The following UACA variants were observed in gnomAD, a reference collection of about 807,000 sequenced individuals.
The protein encoded by UACA is nuclear membrane binding protein.
Under a neutral mutation model 160.5 loss-of-function variants are expected in UACA, and 112 were observed. That is an observed-to-expected ratio of 0.70 (90% CI 0.60 to 0.82). The LOEUF (loss-of-function observed/expected upper bound fraction) is 0.82, where lower values mean the gene tolerates loss of function less well. Ranked by LOEUF, UACA falls within the 40% of genes least tolerant of loss-of-function variation. The pLI, the probability that UACA is intolerant of heterozygous loss-of-function variation, is 0.00. For synonymous variants in UACA, 557 were observed against 568.4 expected (o/e 0.98, Z 0.29); for missense variants, 1,574 against 1,614.6 (o/e 0.97, Z 0.43).
intron 1 of UACA, among the ~76,000 whole-genome samples, chr15:70,749,451 G>A (rs1157258778): frequency 9.2e-5 from 14 of 151,716 alleles, no homozygotes; most frequent in Admixed American, 9.2e-4. Context: ...ACGTGAACCC[G>A]GGAGGTGGAG....
chr15:70,690,247 T>C (rs1368325854), intron 5 of UACA, among the ~76,000 whole-genome samples: 2 of 152,132 alleles, frequency 1.3e-5, no homozygotes, highest in Non-Finnish European at 2.9e-5. Flanking sequence ...CTTTAGTATC[T>C]AGCAAGCTGA....
rs1355831189 is a variant in UACA at position 70,655,893 on chromosome 15, T to A, written c.*1163A>T. On this transcript the variant is annotated 3_prime_UTR_variant, in exon 19 of 19. Transcript: ENST00000322954. ...ATTCAGTTATTTGTTAATACTCAAA[T>A]TAGTAATTTTCACTCTGAATGGTAA... The A allele has an allele frequency of 2.6e-5, 4 of 152,232 alleles. No homozygotes were observed. The highest frequency in any genetic ancestry group is 9.6e-5 in the African/African-American group (4 of 41,460). 9.4% of individuals were successfully genotyped at this position (152,232 alleles called of 1,614,324 possible).
At chr15:70,740,592 C>A (rs1286884317) in intron 1 of UACA, among the ~76,000 whole-genome samples, 1 of 140,978 alleles carries the variant, frequency 7.1e-6, no homozygotes, top group Non-Finnish European at 1.5e-5. Flanking sequence ...AGCCATGTTT[C>A]CTGCCACTGC....
At chr15:70,684,860 T>C (rs954845547) in intron 7 of UACA, among the ~76,000 whole-genome samples, 2 of 152,154 alleles carry the variant, frequency 1.3e-5, no homozygotes, top group Non-Finnish European at 2.9e-5. Flanking sequence ...TTGTCTTCTA[T>C]ATCCTTATAT....
intron 1 of UACA, among the ~76,000 whole-genome samples, chr15:70,712,216 T>C (rs1176217559): frequency 4.0e-5 from 6 of 148,792 alleles, no homozygotes; most frequent in African/African-American, 1.5e-4. Flanking sequence ...GGTTATCTGG[T>C]TGTGTGTAGA....
chr15:70,720,592 C>T (rs1396797326), intron 1 of UACA, among the ~76,000 whole-genome samples: 1 of 152,122 alleles, frequency 6.6e-6, no homozygotes, highest in Non-Finnish European at 1.5e-5. Context: ...AGAAAATCTA[C>T]ATAGATAAAA....
At chr15:70,762,153 CT>C (rs1179338660) in intron 1 of UACA, among the ~76,000 whole-genome samples, 4 of 152,144 alleles carry the variant, frequency 2.6e-5, no homozygotes, top group Non-Finnish European at 5.9e-5. Context: ...AATCTACTCT[CT>C]TTTTTTGAAA....
chr15:70,749,560 G>A (rs1220631395), intron 1 of UACA, among the ~76,000 whole-genome samples: 11 of 151,038 alleles, frequency 7.3e-5, no homozygotes, highest in Non-Finnish European at 1.2e-4. Flanking sequence ...TTAGCCAGGC[G>A]TAGTGGTGGG....
chr15:70,698,586 T>C (rs1302268884), intron 2 of UACA, among the ~76,000 whole-genome samples: 2 of 152,222 alleles, frequency 1.3e-5, no homozygotes, highest in Admixed American at 1.3e-4. Context: ...ATCTTTACTA[T>C]ATTTAATACC....
At chr15:70,711,858 A>C (rs1199878251) in intron 1 of UACA, among the ~76,000 whole-genome samples, 1 of 152,136 alleles carries the variant, frequency 6.6e-6, no homozygotes, top group Non-Finnish European at 1.5e-5. Flanking sequence ...GAGATGACTA[A>C]CCTATCTATT....
chr15:70,717,230 A>G (rs574281647), intron 1 of UACA, among the ~76,000 whole-genome samples: 140 of 152,310 alleles, frequency 9.2e-4, no homozygotes, highest in African/African-American at 3.3e-3. Context: ...TAAAAAACAA[A>G]CAAACAATGA....
At chr15:70,687,383 T>C (rs1287726055) in intron 7 of UACA, among the ~76,000 whole-genome samples, 157 bp downstream of exon 7, 1 of 152,138 alleles carries the variant, frequency 6.6e-6, no homozygotes, top group Non-Finnish European at 1.5e-5. Context: ...TGAAGAAAAC[T>C]GACAAGTAGA....
chr15:70,772,119 G>C, the UACA span, among the ~76,000 whole-genome samples: 5 of 152,286 alleles, frequency 3.3e-5, no homozygotes, highest in South Asian at 1.0e-3. Context: ...CCATGAGCAG[G>C]ACTGGGATAT....
intron 1 of UACA, among the ~76,000 whole-genome samples, chr15:70,742,204 A>C (rs1442761014): frequency 6.6e-6 from 1 of 152,244 alleles, no homozygotes; most frequent in Non-Finnish European, 1.5e-5. Context: ...TATAAGTAAT[A>C]ATAGGCACAA....
chr15:70,716,191 T>C (rs1012700252), intron 1 of UACA, among the ~76,000 whole-genome samples: 1 of 152,240 alleles, frequency 6.6e-6, no homozygotes, highest in African/African-American at 2.4e-5. Context: ...ACTCTGGGAA[T>C]GCTGCTAGCA....
rs530712413 is a variant in UACA at position 70,668,895 on chromosome 15, T to C, written c.1789A>G (p.Met597Val). ...ENKRLQKELS[M>V]CEMEREKKGR... ...TTCTTCTCTCGCTCCATTTCACACA[T>C]ACTAAGTTCCTTCTGTAATCGCTTA... Residue 597 changes from methionine to valine, a missense_variant, in exon 16 of 19, where the codon ATG becomes GTG. Transcript: ENST00000322954. 1.2e-6 allele frequency: 2 copies of C among 1,613,588 alleles called. No homozygotes were observed. Among genetic ancestry groups the C allele is most frequent in the East Asian group, 4.5e-5 (2 of 44,886 alleles).
At chr15:70,710,115 T>C (rs1166978672) in intron 1 of UACA, among the ~76,000 whole-genome samples, 1 of 151,874 alleles carries the variant, frequency 6.6e-6, no homozygotes, top group Non-Finnish European at 1.5e-5. Context: ...AAAAATTAGG[T>C]ATGGTGGCAC....
intron 3 of UACA, among the ~76,000 whole-genome samples, chr15:70,692,257 G>C (rs1897965578): frequency 6.6e-6 from 1 of 152,034 alleles, no homozygotes. Context: ...GAATGCCTGG[G>C]CTCAAGCGAT....
At chr15:70,744,826 G>A (rs1899652168) in intron 1 of UACA, among the ~76,000 whole-genome samples, 1 of 152,098 alleles carries the variant, frequency 6.6e-6, no homozygotes, top group Admixed American at 6.5e-5. Context: ...AAATTAGTCA[G>A]GATTCTGCCT....
Sources: gnomAD v4.1 joint callset for allele counts (sites outside exome capture counted in the v4.1 genomes callset) on GRCh38, gnomAD v4.1.1 for gene constraint, MANE v1.5 for transcripts, NCBI Gene and HGNC (gene_info 2026-07-23, HGNC 2026-07-21) for gene names.